The following SLC24A2 variants were observed in gnomAD, a reference collection of about 807,000 sequenced individuals.
SLC24A2 encodes solute carrier family 24 member 2, also known as sodium/potassium/calcium exchanger 2.
SLC24A2 carries 36 observed loss-of-function variants against 62.0 expected under a neutral mutation model. The ratio of observed to expected loss-of-function variants is 0.58; its 90% CI spans 0.44 to 0.77. The LOEUF is 0.77. SLC24A2 is among the 30% of genes least tolerant of loss of function. The pLI, the probability that SLC24A2 is intolerant of heterozygous loss-of-function variation, is 0.00. For synonymous variants in SLC24A2, 358 were observed against 294.0 expected (o/e 1.22, Z -2.23); for missense variants, 846 against 817.9 (o/e 1.03, Z -0.42).
chr9:19,786,673 T>G lies in SLC24A2; in HGVS notation c.194A>C (p.Gln65Pro). ...SISAFSETDT[Q>P]STGEASVVSG... The stretch of plus-strand genomic sequence containing the variant: ...TACAACACTGGCCTCTCCTGTGCTC[T>G]GTGTATCTGTCTCAGAAAAGGCACT... Residue 65 changes from glutamine to proline, a missense_variant, in exon 2 of 11, where the codon CAG (glutamine) becomes CCG (proline). Gln to Pro is a moderately conservative substitution (Grantham distance 76). Transcript: ENST00000341998. This position sits in a 1 kb window ranked among gnomAD's most constrained non-coding sequence, Gnocchi z 5.0. 1 of 1,613,730 alleles carries G rather than the reference T, an allele frequency of 6.2e-7. No individual in the cohort carries two copies. The highest frequency in any genetic ancestry group is 8.5e-7 in the Non-Finnish European group (1 of 1,179,738).
chr9:19,713,788 T>TC (rs1175481197), intron 2 of SLC24A2, among the ~76,000 whole-genome samples: 2 of 152,072 alleles, frequency 1.3e-5, no homozygotes, highest in Admixed American at 6.6e-5. Context: ...GATTTTTTTT[T>TC]CCCCCCGATG....
intron 5 of SLC24A2, among the ~76,000 whole-genome samples, chr9:19,580,676 G>A (rs1162830136): frequency 1.3e-5 from 2 of 152,198 alleles, no homozygotes; most frequent in Non-Finnish European, 2.9e-5. Flanking sequence ...TTAAATGGAG[G>A]TTAAATGGAT....
chr9:19,929,727 G>A, the SLC24A2 span: 1 of 152,602 alleles, frequency 6.6e-6, no homozygotes, highest in Admixed American at 6.5e-5. Flanking sequence ...TTCAGGAGGT[G>A]TTCCAGAAGA....
the SLC24A2 span, among the ~76,000 whole-genome samples, chr9:20,062,153 CA>C: frequency 2.0e-5 from 3 of 152,040 alleles, no homozygotes; most frequent in Admixed American, 6.6e-5. Flanking sequence ...CACTTGAGCC[CA>C]AAAGTCCAAG....
At chr9:19,538,279 G>A (rs1328597315) in intron 8 of SLC24A2, among the ~76,000 whole-genome samples, 1 of 143,206 alleles carries the variant, frequency 7.0e-6, no homozygotes, top group African/African-American at 2.8e-5. Flanking sequence ...CCTGTCTTGT[G>A]CCAGTTTTCA....
At chr9:19,945,485 A>C in the SLC24A2 span, among the ~76,000 whole-genome samples, 1 of 152,118 alleles carries the variant, frequency 6.6e-6, no homozygotes, top group African/African-American at 2.4e-5. Context: ...CCCCTTTTCC[A>C]TGTTCATTAA....
At chr9:20,018,698 G>A in the SLC24A2 span, among the ~76,000 whole-genome samples, 1 of 152,042 alleles carries the variant, frequency 6.6e-6, no homozygotes, top group African/African-American at 2.4e-5. Context: ...CAGGCACTAT[G>A]TAAATTCAGT....
the SLC24A2 span, among the ~76,000 whole-genome samples, chr9:20,058,230 G>C: frequency 6.6e-6 from 1 of 152,122 alleles, no homozygotes; most frequent in Non-Finnish European, 1.5e-5. Context: ...TAATTGAATA[G>C]AAGTCAGATC....
chr9:20,116,537 C>T, the SLC24A2 span, among the ~76,000 whole-genome samples: 105 of 152,276 alleles, frequency 6.9e-4, 2 homozygotes, highest in Non-Finnish European at 1.2e-4. Flanking sequence ...TTCATAGCAT[C>T]CTGTGCTTAA....
chr9:19,732,712 C>T (rs535686286), intron 2 of SLC24A2, among the ~76,000 whole-genome samples: 25 of 152,260 alleles, frequency 1.6e-4, no homozygotes, highest in Non-Finnish European at 2.1e-4. Context: ...AATCACATTT[C>T]AAATGCAGAA....
the SLC24A2 span, among the ~76,000 whole-genome samples, chr9:20,044,167 A>C: frequency 1.1e-4 from 16 of 152,130 alleles, no homozygotes; most frequent in Non-Finnish European, 5.9e-5. Context: ...TTGAAACACA[A>C]TGCAAACTTT....
chr9:19,959,900 C>A, the SLC24A2 span, among the ~76,000 whole-genome samples: 1 of 152,124 alleles, frequency 6.6e-6, no homozygotes, highest in Non-Finnish European at 1.5e-5. Context: ...GGAGGCTACC[C>A]TTAGAAAGGG....
the SLC24A2 span, among the ~76,000 whole-genome samples, chr9:20,195,941 A>G: frequency 2.0e-5 from 3 of 152,212 alleles, no homozygotes; most frequent in African/African-American, 7.2e-5. Context: ...AGACAACTTA[A>G]AAATGGGCAA....
At chr9:20,144,628 G>C in the SLC24A2 span, among the ~76,000 whole-genome samples, 5 of 152,146 alleles carry the variant, frequency 3.3e-5, no homozygotes, top group African/African-American at 7.2e-5. Flanking sequence ...AGGGTAGTGG[G>C]TGCAGGCATC....
the SLC24A2 span, among the ~76,000 whole-genome samples, chr9:20,271,153 A>G: frequency 6.6e-6 from 1 of 151,942 alleles, no homozygotes; most frequent in Non-Finnish European, 1.5e-5. Flanking sequence ...TTCTCCACTC[A>G]CCCACCTCAG....
intron 2 of SLC24A2, among the ~76,000 whole-genome samples, chr9:19,699,624 A>T (rs1264741739): frequency 2.0e-5 from 3 of 152,220 alleles, no homozygotes; most frequent in African/African-American, 7.2e-5. Context: ...TTCTAAAAAT[A>T]CTTTTCTAAA....
the SLC24A2 span, among the ~76,000 whole-genome samples, chr9:20,230,268 CAAA>C: frequency 6.6e-6 from 1 of 152,124 alleles, no homozygotes; most frequent in Non-Finnish European, 1.5e-5. Context: ...ATGGCTGGGT[CAAA>C]TGGTATTTCT....
intron 9 of SLC24A2, among the ~76,000 whole-genome samples, chr9:19,525,994 C>A (rs1311064506): frequency 6.6e-6 from 1 of 152,094 alleles, no homozygotes; most frequent in African/African-American, 2.4e-5. Flanking sequence ...CTGGCAGTCA[C>A]TCCCCATTTT....
chr9:19,728,625 T>C (rs1821244836), intron 2 of SLC24A2, among the ~76,000 whole-genome samples: 1 of 152,124 alleles, frequency 6.6e-6, no homozygotes, highest in African/African-American at 2.4e-5. Context: ...ATGTATAATT[T>C]TCAAAGACCA....
Sources: allele counts gnomAD v4.1 joint callset (sites outside exome capture counted in the v4.1 genomes callset), GRCh38; gene constraint gnomAD v4.1.1; non-coding constraint Gnocchi (gnomAD v3.1); transcripts MANE v1.5; gene names NCBI Gene and HGNC (gene_info 2026-07-23, HGNC 2026-07-21).